FAM118A: variants seen among roughly 807,000 people sequenced by gnomAD.
The protein encoded by FAM118A is protein FAM118A.
FAM118A carries 25 observed loss-of-function variants against 38.2 expected under a neutral mutation model. The ratio of observed to expected loss-of-function variants is 0.65; its 90% confidence interval spans 0.48 to 0.91. The LOEUF is 0.91. FAM118A is among the 40% of genes least tolerant of loss of function. The pLI, the probability that FAM118A is intolerant of heterozygous loss-of-function variation, is 0.00. For missense variants in FAM118A, 425 were observed against 463.3 expected, an observed-to-expected ratio of 0.92 and a Z score of 0.76; for synonymous variants, 178 against 184.1, an observed-to-expected ratio of 0.97 and a Z score of 0.27.
intron 3 of FAM118A, among the ~76,000 whole-genome samples, chr22:45,326,959 G>A (rs1209566463): frequency 6.6e-6 from 1 of 151,222 alleles, no homozygotes; most frequent in Non-Finnish European, 1.5e-5. Flanking sequence ...GCAGAGGGCC[G>A]TGATCGTGCC....
At chr22:45,323,123 T>G (rs2146632926) in intron 2 of FAM118A, 52 bp from the exon 3 acceptor site, 2 of 1,596,968 alleles carry the variant, frequency 1.3e-6, no homozygotes, top group South Asian at 1.1e-5. Context: ...ACTTTGTGTT[T>G]GCAATGTTTC....
intron 4 of FAM118A, 76 bp from the exon 5 acceptor site, chr22:45,330,527 C>A: frequency 7.2e-7 from 1 of 1,395,176 alleles, no homozygotes. Context: ...ACTATGAATC[C>A]ATTTTCAGTA....
intron 6 of FAM118A, 152 bp from the exon 7 acceptor site, chr22:45,335,198 G>T: frequency 2.7e-6 from 2 of 729,606 alleles, no homozygotes; most frequent in Non-Finnish European, 4.7e-6. Flanking sequence ...GGTGAGGGCA[G>T]CGAGCAGCGC....
intron 1 of FAM118A, chr22:45,318,605 C>T (rs1396799456): frequency 6.6e-6 from 1 of 152,128 alleles, no homozygotes; most frequent in African/African-American, 2.4e-5. Context: ...TGAGATTTGA[C>T]TCTGATGTTT....
chr22:45,321,548 A>G (rs535770477), intron 1 of FAM118A: 1 of 151,964 alleles, frequency 6.6e-6, no homozygotes, highest in Admixed American at 6.6e-5. Context: ...TTCCTAGTAG[A>G]TGGGACTACA....
intron 3 of FAM118A, among the ~76,000 whole-genome samples, chr22:45,324,647 G>A (rs1313702303): frequency 6.6e-6 from 1 of 152,214 alleles, no homozygotes; most frequent in Non-Finnish European, 1.5e-5. Context: ...GTTCTGACAG[G>A]CGGCCACACC....
rs2086463862 is a variant in FAM118A at position 45,341,760 on chromosome 22, ATG to A, written c.*1358_*1359del. 1 of 152,204 alleles carries A rather than the reference ATG, an allele frequency of 6.6e-6. No homozygotes were observed. The highest frequency in any genetic ancestry group is 2.1e-4 in the South Asian group (1 of 4,828). 9.4% of individuals were successfully genotyped at this position (152,204 alleles called of 1,614,324 possible). ...TTCAGTTTGAGGCCACTTATCTTCA[ATG>A]TGACATTTCTTGCCAAGCCCTGTGA... is the stretch of plus-strand genomic sequence containing the variant. On this transcript the variant is annotated 3_prime_UTR_variant, in exon 9 of 9. Transcript: ENST00000441876.
intron 5 of FAM118A, among the ~76,000 whole-genome samples, chr22:45,331,466 C>G (rs1315145546): frequency 6.6e-6 from 1 of 152,168 alleles, no homozygotes; most frequent in Non-Finnish European, 1.5e-5. Context: ...TCCTTGAACT[C>G]CTGGGCCCAA....
chr22:45,337,251 TC>T (rs1195146530), intron 8 of FAM118A, among the ~76,000 whole-genome samples: 2 of 152,216 alleles, frequency 1.3e-5, no homozygotes, highest in Admixed American at 6.5e-5. Flanking sequence ...CCCCAGTCTG[TC>T]TGTAGGTTGA....
chr22:45,325,774 A>G (rs1404350900), intron 3 of FAM118A, among the ~76,000 whole-genome samples: 1 of 152,160 alleles, frequency 6.6e-6, no homozygotes, highest in East Asian at 1.9e-4. Flanking sequence ...CCAAGCGGAC[A>G]TGAGAATCAC....
chr22:45,321,732 G>C (rs2084891472), intron 1 of FAM118A: 1 of 155,960 alleles, frequency 6.4e-6, no homozygotes, highest in African/African-American at 2.4e-5. Flanking sequence ...AAAAATTAAA[G>C]AATATGGAGA....
rs576541396 is a variant in FAM118A at position 45,320,510 on chromosome 22, C to T, written c.-9-1861C>T. 9.1e-4 allele frequency among the ~76,000 whole-genome samples: 138 copies of T among 151,742 alleles called. 1 individual carries two copies. Among genetic ancestry groups the T allele is most frequent in the African/African-American group, 3.2e-3 (131 of 41,336 alleles). ...GGAGTGCAGTGGCACAGTCGTGGTT[C>T]ACTGCAGCCTCAACCTCCTGGGCTC... On this transcript the variant is annotated intron_variant, in intron 1 of 8. Transcript: ENST00000441876.
chr22:45,323,076 T>TGTGTGTGTGTGTGTGC, intron 2 of FAM118A, 99 bp from the exon 3 acceptor site: 1 of 1,282,230 alleles, frequency 7.8e-7, no homozygotes, highest in Non-Finnish European at 1.1e-6. Flanking sequence ...TGTGTGTGTG[T>TGTGTGTGTGTGTGTGC]ACACAGCACA....
At chr22:45,331,665 A>G (rs2085729445) in intron 5 of FAM118A, among the ~76,000 whole-genome samples, 1 of 152,214 alleles carries the variant, frequency 6.6e-6, no homozygotes, top group Non-Finnish European at 1.5e-5. Flanking sequence ...CTCAGTGCTC[A>G]TCCCTGGGCC....
At chr22:45,329,805 G>GAA (rs2085575978) in intron 4 of FAM118A, 1 of 152,304 alleles carries the variant, frequency 6.6e-6, no homozygotes, top group South Asian at 2.1e-4. Context: ...TGCATAAACA[G>GAA]AACTGCCAGC....
Position 45,340,426 on chromosome 22 carries a change from C to T in FAM118A, c.*21C>T. 1.2e-6 allele frequency: 2 copies of T among 1,613,946 alleles called. No homozygotes were observed. Among genetic ancestry groups the T allele is most frequent in the Non-Finnish European group, 1.7e-6 (2 of 1,179,812 alleles). ...CTTGAAATCTTTACAGTAAAACCTG[C>T]AACTTGAAAACTAGCCTTCTGTAAC... On this transcript the variant is annotated 3_prime_UTR_variant, in exon 9 of 9. Transcript: ENST00000441876.
At chr22:45,309,435 G>A (rs1386638174), upstream of FAM118A, 1 of 152,342 alleles carries the variant, frequency 6.6e-6, no homozygotes, top group African/African-American at 2.4e-5. Context: ...AGAAGGTAGG[G>A]CTGGTGACTG....
At position 45,322,396 on chromosome 22, in the gene FAM118A, A is replaced by C; in HGVS notation, c.17A>C (p.Lys6Thr). Residue 6 changes from lysine (K) to threonine (T), a missense_variant, in exon 2 of 9, where the codon AAG becomes ACG. Transcript: ENST00000441876. ...AATTCACAGATGGATTCAGTGGAAA[A>C]GACAACAAATAGAAGTGAACAAAAA... MDSVEKTTNRSEQKSR... is the reference protein window; with the variant it reads MDSVETTTNRSEQKSR... The C allele has an allele frequency of 6.2e-7, 1 of 1,611,342 alleles. No homozygotes were observed. The highest frequency in any genetic ancestry group is 2.2e-5 in the East Asian group (1 of 44,888).
rs145359498 is a variant in FAM118A, at chr22:45,332,626, G to C, written c.853G>C (p.Val285Leu). The C allele has an allele frequency of 5.0e-6, 8 of 1,614,108 alleles. No homozygotes were observed. Among genetic ancestry groups the C allele is most frequent in the Non-Finnish European group, 6.8e-6 (8 of 1,180,052 alleles). Residue 285 changes from valine to leucine, a missense_variant, in exon 6 of 9, where the codon GTT (valine) becomes CTT (leucine). Physicochemically the swap from Val to Leu is conservative, Grantham distance 32. Coordinates refer to ENST00000441876, the MANE Select transcript of FAM118A (RefSeq NM_017911.4). Reference sequence around the variant, plus strand: ...AGATATGCTTCTGCACGGAATCAAAGTTGTATCCTACGGGGACTGTTTTGA... The same window carrying C: ...AGATATGCTTCTGCACGGAATCAAACTTGTATCCTACGGGGACTGTTTTGA... ...QADMLLHGIK[V>L]VSYGDCFDHF...
Sources: gnomAD v4.1 joint callset for allele counts (sites outside exome capture counted in the v4.1 genomes callset) on GRCh38, gnomAD v4.1.1 for gene constraint, MANE v1.5 for transcripts, NCBI Gene and HGNC (gene_info 2026-07-23, HGNC 2026-07-21) for gene names.